Variants in PDE5A observed in about 807,000 individuals in gnomAD.
The protein encoded by PDE5A is cGMP-specific 3',5'-cyclic phosphodiesterase.
Under a neutral mutation model 110.2 loss-of-function variants are expected in PDE5A, and 67 were observed. The ratio of observed to expected loss-of-function variants is 0.61; its 90% CI spans 0.50 to 0.75. The LOEUF is 0.75. Ranked by LOEUF, PDE5A falls within the 30% of genes least tolerant of loss-of-function variation. The pLI is 0.00. For synonymous variants in PDE5A, 328 were observed against 351.2 expected (o/e 0.93, Z 0.74); for missense variants, 862 against 1,045.1 (o/e 0.82, Z 2.42).
rs1385614333 is a variant in PDE5A, at chr4:119,504,575, A to T, written c.2292T>A (p.Asp764Glu). 6.2e-7 allele frequency: 1 copy of T among 1,612,676 alleles called. No homozygotes were observed. The highest frequency in any genetic ancestry group is 8.5e-7 in the Non-Finnish European group (1 of 1,179,098). ...LFLAMLMTAC[D>E]LSAITKPWPI... ...GCCAGGGTTTTGTAATTGCAGAAAGATCACAAGCTGTCATCAGCATTGCCC... is the reference window on the plus strand; with the variant it reads ...GCCAGGGTTTTGTAATTGCAGAAAGTTCACAAGCTGTCATCAGCATTGCCC... Residue 764 changes from aspartate to glutamate, a missense_variant, in exon 18 of 21, where the codon GAT (aspartate) becomes GAA (glutamate). Coordinates refer to ENST00000354960, the MANE Select transcript of PDE5A (RefSeq NM_001083.4).
intron 15 of PDE5A, 25 bp downstream of exon 15, chr4:119,511,022 C>T (rs768200871): frequency 1.6e-6 from 2 of 1,277,218 alleles, no homozygotes; most frequent in South Asian, 2.8e-5. Context: ...TTTTAAAATT[C>T]CACAACAATA....
At chr4:119,501,401 C>G (rs12508098) in intron 19 of PDE5A, 148 bp from the exon 20 acceptor site, 2 of 595,278 alleles carry the variant, frequency 3.4e-6, no homozygotes, top group Admixed American at 5.4e-5. Context: ...ACCTCCACCT[C>G]CCAAGTTTAA....
chr4:119,611,843 C>T (rs1378495265), intron 1 of PDE5A, among the ~76,000 whole-genome samples: 1 of 152,172 alleles, frequency 6.6e-6, no homozygotes, highest in African/African-American at 2.4e-5. Flanking sequence ...GTTATCATAA[C>T]ATCAAAATCA....
At chr4:119,558,219 T>TA (rs1727612246) in intron 7 of PDE5A, among the ~76,000 whole-genome samples, 1 of 152,242 alleles carries the variant, frequency 6.6e-6, no homozygotes, top group South Asian at 2.1e-4. Flanking sequence ...TACTATGCTT[T>TA]ATCCCTTTTA....
chr4:119,622,545 C>A lies in PDE5A; in HGVS notation c.152+5975G>T, dbSNP rs1730185920. The stretch of plus-strand genomic sequence containing the variant: ...TACATAAGACATTTAAAAGCATTTT[C>A]ATTGCAAACTAAAAACCAGAGAAAA... On this transcript the variant is annotated intron_variant, in intron 1 of 20. Transcript: ENST00000354960. 2.0e-5 allele frequency among the ~76,000 whole-genome samples: 3 copies of A among 152,244 alleles called. No individual in the cohort carries two copies. The Middle Eastern group carries it at 0.01, about 518-fold the overall frequency.
At chr4:119,498,849 CT>C in intron 20 of PDE5A, 111 bp from the exon 21 acceptor site, 2 of 1,138,982 alleles carry the variant, frequency 1.8e-6, no homozygotes, top group Non-Finnish European at 1.3e-6. Context: ...AGCAGACTCA[CT>C]GTTGAAATTT....
intron 3 of PDE5A, among the ~76,000 whole-genome samples, chr4:119,571,343 T>C (rs1422537942): frequency 6.6e-6 from 1 of 152,070 alleles, no homozygotes; most frequent in East Asian, 1.9e-4. Context: ...GATCTGGAGA[T>C]GGGGAGATTA....
At chr4:119,529,186 C>T (rs1413425918) in intron 11 of PDE5A, among the ~76,000 whole-genome samples, 1 of 151,894 alleles carries the variant, frequency 6.6e-6, no homozygotes, top group Non-Finnish European at 1.5e-5. Context: ...TTAATAATCT[C>T]TCTCACAAGA....
At chr4:119,501,287 G>A (rs1469930584) in intron 19 of PDE5A, 34 bp from the exon 20 acceptor site, 1 of 1,207,096 alleles carries the variant, frequency 8.3e-7, no homozygotes, top group Non-Finnish European at 1.2e-6. Flanking sequence ...ACACACAGAT[G>A]TGCATTTATT....
intron 3 of PDE5A, among the ~76,000 whole-genome samples, chr4:119,576,347 T>C (rs1471514950): frequency 2.6e-5 from 4 of 152,164 alleles, no homozygotes; most frequent in Non-Finnish European, 4.4e-5. Context: ...CTAATAGACA[T>C]CTACAGAACT....
rs1334369319 is a variant in PDE5A, at chr4:119,494,635, A to C, written c.*3966T>G. On this transcript the variant is annotated 3_prime_UTR_variant, in exon 21 of 21. Transcript: ENST00000354960. Reference sequence around the variant, plus strand: ...CATTCATGGTTATTTAAAATGCCTTAAAAGCTAAGCATAATATACATAGTA... The same window carrying C: ...CATTCATGGTTATTTAAAATGCCTTCAAAGCTAAGCATAATATACATAGTA... The C allele has an allele frequency of 6.6e-6, 1 of 152,610 alleles. No homozygotes were observed. Among genetic ancestry groups the C allele is most frequent in the African/African-American group, 2.4e-5 (1 of 41,446 alleles). The allele number at this position is 152,610 out of a possible 1,614,324, so 9.5% of individuals were successfully genotyped here.
chr4:119,529,155 G>C (rs541623601), intron 11 of PDE5A, among the ~76,000 whole-genome samples: 1 of 151,204 alleles, frequency 6.6e-6, no homozygotes, highest in Non-Finnish European at 1.5e-5. Context: ...CTATGTATTT[G>C]TCATCTGTTT....
At chr4:119,574,276 G>A (rs374823965) in intron 3 of PDE5A, among the ~76,000 whole-genome samples, 236 of 134,128 alleles carry the variant, frequency 1.8e-3, no homozygotes, top group African/African-American at 6.2e-3. Context: ...TCTGGCTCCC[G>A]GGTTCAAGCA....
intron 3 of PDE5A, among the ~76,000 whole-genome samples, chr4:119,578,119 C>T: frequency 6.6e-6 from 1 of 152,004 alleles, no homozygotes. Flanking sequence ...ACCTAGGAAT[C>T]CAACTTACAA....
chr4:119,518,571 C>T (rs1481882330), intron 14 of PDE5A, among the ~76,000 whole-genome samples: 1 of 152,160 alleles, frequency 6.6e-6, no homozygotes, highest in Non-Finnish European at 1.5e-5. Flanking sequence ...TTTTACAGAT[C>T]AGGACATAAC....
rs779709524 is a variant in PDE5A at position 119,606,731 on chromosome 4, A to G, written c.719T>C (p.Leu240Ser). The G allele has an allele frequency of 6.2e-7, 1 of 1,613,770 alleles. No individual in the cohort carries two copies. The highest frequency in any genetic ancestry group is 8.5e-7 in the Non-Finnish European group (1 of 1,179,848). ...VGHVAALGEP[L>S]NIKDAYEDPR... ...TACCTCATATGCATCTTTGATGTTC[A>G]AGGGCTCACCAAGCGCTGCCACATG... is the stretch of plus-strand genomic sequence containing the variant. Residue 240 changes from leucine (L) to serine (S), a missense_variant, in exon 2 of 21, where the codon TTG (leucine) becomes TCG (serine). Coordinates refer to ENST00000354960, the MANE Select transcript of PDE5A (RefSeq NM_001083.4).
chr4:119,558,863 G>T (rs1311327899), intron 7 of PDE5A, among the ~76,000 whole-genome samples: 2 of 137,422 alleles, frequency 1.5e-5, no homozygotes, highest in South Asian at 2.3e-4. Flanking sequence ...CTTGCAGTGA[G>T]CCGAGATCCC....
At position 119,542,412 on chromosome 4, in the gene PDE5A, A is replaced by G. The variant is rs569674106; in HGVS notation, c.1572+47T>C. 4 of 1,556,610 alleles carry G rather than the reference A, an allele frequency of 2.6e-6. 1 individual carries two copies. The South Asian group carries it at 4.6e-5, about 18-fold the overall frequency. ...AGTGATTATGAGGGAAAGGTAAAAGATGAGGGTTTGGCTGTACAGTGTGAG... is the reference window on the plus strand; with the variant it reads ...AGTGATTATGAGGGAAAGGTAAAAGGTGAGGGTTTGGCTGTACAGTGTGAG... On this transcript the variant is annotated intron_variant, in intron 10 of 20. Transcript: ENST00000354960.
At chr4:119,586,101 A>G (rs1480063165) in intron 3 of PDE5A, among the ~76,000 whole-genome samples, 2 of 152,222 alleles carry the variant, frequency 1.3e-5, no homozygotes, top group African/African-American at 2.4e-5. Flanking sequence ...GTTTGTTCAG[A>G]ATCACTTAGT....
Sources: allele counts gnomAD v4.1 joint callset (sites outside exome capture counted in the v4.1 genomes callset), GRCh38; gene constraint gnomAD v4.1.1; transcripts MANE v1.5; gene names NCBI Gene and HGNC (gene_info 2026-07-23, HGNC 2026-07-21).